Variants in SEC23B observed in about 807,000 individuals in gnomAD.
SEC23B encodes SEC23 homolog B, COPII component, also known as protein transport protein Sec23B.
A neutral mutation model predicts 104.3 loss-of-function variants in SEC23B; 77 were observed. The ratio of observed to expected loss-of-function variants is 0.74; its 90% confidence interval spans 0.61 to 0.89. SEC23B has a LOEUF of 0.89. Among genes scored for constraint, SEC23B ranks in the 40% least tolerant of loss-of-function variants. SEC23B has a pLI of 0.00. For missense variants in SEC23B, 885 were observed against 949.4 expected (o/e 0.93, Z 0.89); for synonymous variants, 338 against 332.5 (o/e 1.02, Z -0.18).
At chr20:18,525,050 A>G in intron 6 of SEC23B, 30 bp downstream of exon 6, 1 of 1,574,852 alleles carries the variant, frequency 6.3e-7, no homozygotes, top group Non-Finnish European at 8.7e-7. Flanking sequence ...TGTTACACGT[A>G]TTGTGATGGA....
intron 14 of SEC23B, 68 bp downstream of exon 14, chr20:18,543,240 A>T (rs1450140436): frequency 6.3e-7 from 1 of 1,588,634 alleles, no homozygotes; most frequent in Non-Finnish European, 8.6e-7. Context: ...GAAAATTGTC[A>T]CTTAATTATT....
At chr20:18,513,342 C>CAAAAAA (rs1245148138) in intron 3 of SEC23B, among the ~76,000 whole-genome samples, 5 of 112,580 alleles carry the variant, frequency 4.4e-5, no homozygotes, top group Non-Finnish European at 7.6e-5. Context: ...GCAAGAGTGT[C>CAAAAAA]AAAAAAAAAA....
intron 4 of SEC23B, 80 bp from the exon 5 acceptor site, chr20:18,524,353 T>C: frequency 2.0e-6 from 2 of 994,218 alleles, no homozygotes; most frequent in Non-Finnish European, 3.3e-6. Flanking sequence ...ACTTACAATT[T>C]TCATACCTAA....
intron 16 of SEC23B, among the ~76,000 whole-genome samples, chr20:18,549,711 G>T (rs1462793007): frequency 1.3e-5 from 2 of 152,040 alleles, no homozygotes; most frequent in Non-Finnish European, 2.9e-5. Flanking sequence ...TCTTTATCGA[G>T]TACCACTTAC....
chr20:18,551,745 C>T (rs1279102495), intron 17 of SEC23B, among the ~76,000 whole-genome samples: 1 of 149,704 alleles, frequency 6.7e-6, no homozygotes, highest in Non-Finnish European at 1.5e-5. Flanking sequence ...ATAATATATG[C>T]TGTAAAAAAA....
In SEC23B at chr20:18,554,390, G is replaced by C. The variant is rs746808499; in HGVS notation, c.2148G>C (p.Gln716His). The C allele has an allele frequency of 6.2e-7, 1 of 1,614,136 alleles. No individual in the cohort carries two copies. The highest frequency in any genetic ancestry group is 8.5e-7 in the Non-Finnish European group (1 of 1,180,022). Residue 716 changes from glutamine (Q) to histidine (H), a missense_variant and splice_region_variant, in exon 18 of 20, where the codon CAG becomes CAC. Gln to His is a conservative substitution (Grantham distance 24, BLOSUM62 0). Transcript: ENST00000650089. Reference sequence around the variant, plus strand: ...TCAACACGGAGCATGGAGGCAGTCAGGTGAGTGAGCTGAGTTCTAACTCCA... The same window carrying C: ...TCAACACGGAGCATGGAGGCAGTCACGTGAGTGAGCTGAGTTCTAACTCCA... ...RYINTEHGGS[Q>H]ARFLLSKVNP... is the part of the protein sequence containing the mutation.
intron 19 of SEC23B, among the ~76,000 whole-genome samples, chr20:18,557,684 C>G (rs1040172069): frequency 4.6e-5 from 7 of 150,568 alleles, no homozygotes; most frequent in African/African-American, 1.7e-4. Context: ...TACATGGTTG[C>G]TTTTATTGTT....
intron 4 of SEC23B, among the ~76,000 whole-genome samples, chr20:18,517,341 G>C (rs1347206368): frequency 6.6e-6 from 1 of 152,158 alleles, no homozygotes. Context: ...TCAAGGGTGG[G>C]GAGAATTACA....
Position 18,561,157 on chromosome 20 carries a change from C to T in SEC23B, c.*417C>T, listed in dbSNP as rs2060488851. ...GTGAGTGTGTATGTGTTTTAAGTGA[C>T]TTCCTTAAGAGGTGTTTCCTGAACC... is the stretch of plus-strand genomic sequence containing the variant. On this transcript the variant is annotated 3_prime_UTR_variant, in exon 20 of 20. Coordinates refer to ENST00000650089, the MANE Select transcript of SEC23B (RefSeq NM_006363.6). 1 of 246,346 alleles carries T rather than the reference C, an allele frequency of 4.1e-6. No homozygotes were observed. Among genetic ancestry groups the T allele is most frequent in the South Asian group, 4.8e-5 (1 of 21,044 alleles). The allele number at this position is 246,346 out of a possible 1,614,324, so 15.3% of individuals were successfully genotyped here.
chr20:18,510,538 G>A (rs1449054073), intron 1 of SEC23B, among the ~76,000 whole-genome samples: 3 of 152,212 alleles, frequency 2.0e-5, no homozygotes, highest in African/African-American at 4.8e-5. Flanking sequence ...GCCAAGGCGG[G>A]TGGATCACCT....
intron 4 of SEC23B, among the ~76,000 whole-genome samples, chr20:18,521,831 T>A (rs1265617113): frequency 6.6e-6 from 1 of 152,048 alleles, no homozygotes; most frequent in Non-Finnish European, 1.5e-5. Context: ...GAGCAGAGAC[T>A]AGGGAGGGAC....
In SEC23B at chr20:18,555,184, T is replaced by C; in HGVS notation, c.2214+11T>C. ...TATGCTTGGGGACAGGTAAGAAATC[T>C]TCAGGTATTTGGGGAGGATGCTAAG... On this transcript the variant is annotated intron_variant, in intron 19 of 19. Transcript: ENST00000650089. 1 of 1,607,180 alleles carries C rather than the reference T, an allele frequency of 6.2e-7. No homozygotes were observed. The highest frequency in any genetic ancestry group is 1.7e-5 in the Admixed American group (1 of 60,004).
At position 18,532,642 on chromosome 20, in the gene SEC23B, C is replaced by T. The variant is rs147566807; in HGVS notation, c.1234-22C>T. 9.3e-4 allele frequency: 1,453 copies of T among 1,564,008 alleles called. 22 individuals are homozygous for T. The African/African-American group carries it at 0.017, about 18-fold the overall frequency. ...TGGATTGAAGTGATCTTTAACTTTA[C>T]ACTGTCACATATTTGTTATAGACCT... On this transcript the variant is annotated intron_variant, in intron 10 of 19. Transcript: ENST00000650089.
chr20:18,511,551 T>C (rs1016894555), intron 2 of SEC23B, among the ~76,000 whole-genome samples: 3 of 151,994 alleles, frequency 2.0e-5, no homozygotes, highest in Non-Finnish European at 4.4e-5. Context: ...TTCTTTTAAA[T>C]GTGGGCATTA....
At chr20:18,519,666 G>C (rs1321646782) in intron 4 of SEC23B, among the ~76,000 whole-genome samples, 1 of 152,212 alleles carries the variant, frequency 6.6e-6, no homozygotes, top group Non-Finnish European at 1.5e-5. Context: ...TGACTTCAAG[G>C]AACGGAAAGA....
In SEC23B at chr20:18,540,750, G is replaced by A. The variant is rs75465811; in HGVS notation, c.1405-1546G>A. On this transcript the variant is annotated intron_variant, in intron 12 of 19. Transcript: ENST00000650089. ...GTACGCCTGTAGTCCCAACTACCTG[G>A]GAAGCTGAGGTGGGAGAATCTCTTG... Among the ~76,000 whole-genome samples, 23 of 152,266 alleles carry A rather than the reference G, an allele frequency of 1.5e-4. No homozygotes were observed. The East Asian group carries it at 3.9e-3, about 26-fold the overall frequency.
chr20:18,532,109 A>G (rs1483977954), intron 10 of SEC23B, among the ~76,000 whole-genome samples: 1 of 152,252 alleles, frequency 6.6e-6, no homozygotes, highest in Non-Finnish European at 1.5e-5. Context: ...TACTTGGAGA[A>G]TTAGAGATAA....
rs751022087 is a variant in SEC23B, at chr20:18,551,188, T to TATTA, written c.1992+25_1992+28dup. ...TTATCTTGGTGAGGTAAGATGATAT[T>TATTA]ATTAATTAATTAATTTCTTTTTGTT... On this transcript the variant is annotated intron_variant, in intron 17 of 19. Coordinates refer to ENST00000650089, the MANE Select transcript of SEC23B (RefSeq NM_006363.6). The TATTA allele has an allele frequency of 1.5e-6, 2 of 1,362,652 alleles. No homozygotes were observed. The highest frequency in any genetic ancestry group is 2.4e-5 in the South Asian group (2 of 83,846). The allele number at this position is 1,362,652 out of a possible 1,614,324, so 84.4% of individuals were successfully genotyped here.
rs1282532687 is a variant in SEC23B, at chr20:18,524,679, T to G, written c.603+10T>G. ...TGCAAAGCAAATACAGGTTTGTACC[T>G]TACTTGTACAGGAGCAGAAACAAGG... On this transcript the variant is annotated intron_variant, in intron 5 of 19. Coordinates refer to ENST00000650089, the MANE Select transcript of SEC23B (RefSeq NM_006363.6). The G allele has an allele frequency of 6.2e-7, 1 of 1,600,884 alleles. No individual in the cohort carries two copies. Among genetic ancestry groups the G allele is most frequent in the Non-Finnish European group, 8.6e-7 (1 of 1,168,814 alleles).
Sources: gnomAD v4.1 joint callset for allele counts (sites outside exome capture counted in the v4.1 genomes callset) on GRCh38, gnomAD v4.1.1 for gene constraint, MANE v1.5 for transcripts, NCBI Gene and HGNC (gene_info 2026-07-23, HGNC 2026-07-21) for gene names.